Variants in NETO1 observed in about 807,000 individuals in gnomAD.
The protein encoded by NETO1 is neuropilin and tolloid like 1.
NETO1 carries 26 observed loss-of-function variants against 61.3 expected under a neutral mutation model. That is an observed-to-expected ratio of 0.42 (90% CI 0.31 to 0.59). The LOEUF (loss-of-function observed/expected upper bound fraction) is 0.59, where lower values mean the gene tolerates loss of function less well. Among genes scored for constraint, NETO1 ranks in the 20% least tolerant of loss-of-function variants. NETO1 has a pLI of 0.12. For missense variants in NETO1, 531 were observed against 662.8 expected, an observed-to-expected ratio of 0.80 and a Z score of 2.18; for synonymous variants, 225 against 225.8, an observed-to-expected ratio of 1.00 and a Z score of 0.03.
chr18:72,808,266 G>C (rs1167491017), intron 4 of NETO1, among the ~76,000 whole-genome samples: 1 of 152,206 alleles, frequency 6.6e-6, no homozygotes, highest in African/African-American at 2.4e-5. Context: ...AGAAAAGTGA[G>C]AAGACATAAC....
intron 4 of NETO1, among the ~76,000 whole-genome samples, chr18:72,831,706 T>A (rs1311137993): frequency 1.3e-5 from 2 of 152,240 alleles, no homozygotes; most frequent in African/African-American, 4.8e-5. Flanking sequence ...TCAATTAGAT[T>A]AGCATAAAAA....
At chr18:72,813,870 T>G (rs1359639397) in intron 4 of NETO1, among the ~76,000 whole-genome samples, 4 of 151,912 alleles carry the variant, frequency 2.6e-5, no homozygotes, top group African/African-American at 9.7e-5. Context: ...AGATAATTAT[T>G]TAGAGTTTTC....
intron 4 of NETO1, among the ~76,000 whole-genome samples, chr18:72,842,627 T>C (rs1342039413): frequency 4.6e-5 from 7 of 152,112 alleles, no homozygotes; most frequent in South Asian, 2.1e-4. Context: ...ATCACAAAGA[T>C]TGAACAAATT....
At chr18:72,860,082 G>A (rs2074524152) in intron 3 of NETO1, among the ~76,000 whole-genome samples, 1 of 152,112 alleles carries the variant, frequency 6.6e-6, no homozygotes. Flanking sequence ...TTCTTCCCCT[G>A]GTACGTCCAA....
chr18:72,794,411 A>G lies in NETO1; in HGVS notation c.470-7T>C. 1 of 1,606,694 alleles carries G rather than the reference A, an allele frequency of 6.2e-7. No individual in the cohort carries two copies. The highest frequency in any genetic ancestry group is 8.5e-7 in the Non-Finnish European group (1 of 1,178,346). ...AGGTCCTTAAAGTCAGGATCTTAAAAATTGAGAAAAAGACAATTAGTCCCA... is the reference window on the plus strand; with the variant it reads ...AGGTCCTTAAAGTCAGGATCTTAAAGATTGAGAAAAAGACAATTAGTCCCA... On this transcript the variant is annotated splice_region_variant and splice_polypyrimidine_tract_variant and intron_variant, in intron 4 of 10. Coordinates refer to ENST00000327305, the MANE Select transcript of NETO1 (RefSeq NM_138966.5).
chr18:72,810,717 C>A (rs568034216), intron 4 of NETO1, among the ~76,000 whole-genome samples: 1 of 152,148 alleles, frequency 6.6e-6, no homozygotes, highest in South Asian at 2.1e-4. Flanking sequence ...TGTAGTTCCT[C>A]GCTCGTTTTT....
chr18:72,803,438 T>C (rs1225879342), intron 4 of NETO1, among the ~76,000 whole-genome samples: 1 of 152,228 alleles, frequency 6.6e-6, no homozygotes, highest in Non-Finnish European at 1.5e-5. Flanking sequence ...GGTTTGATAT[T>C]CCCTGTTGCA....
chr18:72,757,401 A>T (rs990987000), intron 7 of NETO1, among the ~76,000 whole-genome samples: 3 of 13,902 alleles, frequency 2.2e-4, no homozygotes, highest in Non-Finnish European at 3.7e-4. Context: ...GAAATCCTTT[A>T]AAAAAAAACA....
chr18:72,828,860 C>T (rs889743887), intron 4 of NETO1, among the ~76,000 whole-genome samples: 1 of 152,080 alleles, frequency 6.6e-6, no homozygotes, highest in African/African-American at 2.4e-5. Context: ...CACCTGTCAA[C>T]CTAGAATTGT....
intron 9 of NETO1, among the ~76,000 whole-genome samples, chr18:72,749,703 T>C (rs1375312022): frequency 6.6e-6 from 1 of 152,156 alleles, no homozygotes; most frequent in Non-Finnish European, 1.5e-5. Flanking sequence ...TCAAAATATA[T>C]AAATATTGAT....
At chr18:72,803,870 A>C (rs1439121542) in intron 4 of NETO1, among the ~76,000 whole-genome samples, 1 of 151,898 alleles carries the variant, frequency 6.6e-6, no homozygotes, top group African/African-American at 2.4e-5. Context: ...CTACATATAT[A>C]TCTCTGTTAG....
At chr18:72,807,656 A>T (rs773149784) in intron 4 of NETO1, among the ~76,000 whole-genome samples, 1 of 152,076 alleles carries the variant, frequency 6.6e-6, no homozygotes. Flanking sequence ...TGGGGGATAG[A>T]GTGAAGAAGA....
At chr18:72,777,297 A>C (rs746156752) in intron 7 of NETO1, among the ~76,000 whole-genome samples, 4 of 152,088 alleles carry the variant, frequency 2.6e-5, no homozygotes, top group Non-Finnish European at 5.9e-5. Flanking sequence ...GTATGCCTGA[A>C]ATCTCAGCTA....
chr18:72,857,305 A>C (rs1405571563), intron 4 of NETO1, among the ~76,000 whole-genome samples: 1 of 152,214 alleles, frequency 6.6e-6, no homozygotes, highest in Non-Finnish European at 1.5e-5. Context: ...GGTGGCTCTA[A>C]AGAAACAAAA....
At chr18:72,748,294 G>A in intron 10 of NETO1, 130 bp from the exon 11 acceptor site, 6 of 984,544 alleles carry the variant, frequency 6.1e-6, no homozygotes, top group Non-Finnish European at 6.0e-6. Flanking sequence ...GGCTTGAGGA[G>A]TTTAGAAGAG....
chr18:72,758,385 T>TGTGTGTGTGTGTG (rs1555681798), intron 7 of NETO1, among the ~76,000 whole-genome samples: 1 of 142,838 alleles, frequency 7.0e-6, no homozygotes, highest in Non-Finnish European at 1.5e-5. Flanking sequence ...TTTTTTTTCT[T>TGTGTGTGTGTGTG]TGTGTGTGTG....
chr18:72,796,754 G>A (rs747933615), intron 4 of NETO1, among the ~76,000 whole-genome samples: 8 of 151,862 alleles, frequency 5.3e-5, no homozygotes, highest in Non-Finnish European at 8.8e-5. Context: ...GTGAGCCACC[G>A]CGCCCGGCCG....
rs1162174028 is a variant in NETO1, at chr18:72,756,089, C to T, written c.927G>A (p.Leu309=). The T allele has an allele frequency of 2.5e-6, 4 of 1,610,422 alleles. No homozygotes were observed. The highest frequency in any genetic ancestry group is 3.4e-6 in the Non-Finnish European group (4 of 1,177,212). The change falls in exon 8 of 11, where the codon TTG becomes TTA. Residue 309 remains leucine (L), a synonymous_variant. Coordinates refer to ENST00000327305, the MANE Select transcript of NETO1 (RefSeq NM_138966.5). ...CACAGTTCTGGAGTCCATTGCAGAC[C>T]AAAGTATTATTAATACACATGTTAC... ...CHSNMCINNT[L]VCNGLQNCVY... is the part of the protein sequence containing the mutation.
chr18:72,786,461 C>T (rs946539153), intron 6 of NETO1, among the ~76,000 whole-genome samples: 4 of 152,202 alleles, frequency 2.6e-5, no homozygotes, highest in South Asian at 2.1e-4. Flanking sequence ...CAAGGTAGGA[C>T]GATTTTCATA....
Sources: allele counts gnomAD v4.1 joint callset (sites outside exome capture counted in the v4.1 genomes callset), GRCh38; gene constraint gnomAD v4.1.1; transcripts MANE v1.5; gene names NCBI Gene and HGNC (gene_info 2026-07-23, HGNC 2026-07-21).